The following CACNA1E variants were observed in gnomAD, a reference collection of about 807,000 sequenced individuals.
CACNA1E encodes calcium voltage-gated channel subunit alpha1 E, also known as voltage-dependent R-type calcium channel subunit alpha-1E.
A neutral mutation model predicts 259.2 loss-of-function variants in CACNA1E; 40 were observed. The ratio of observed to expected loss-of-function variants is 0.15; its 90% confidence interval spans 0.12 to 0.20. The LOEUF (loss-of-function observed/expected upper bound fraction) is 0.20. Ranked by LOEUF, CACNA1E falls within the 10% of genes least tolerant of loss-of-function variation. CACNA1E has a pLI of 1.00. For missense variants in CACNA1E, 1,874 were observed against 3,040.1 expected, an observed-to-expected ratio of 0.62 and a Z score of 9.02; for synonymous variants, 1,104 against 1,138.5, an observed-to-expected ratio of 0.97 and a Z score of 0.61.
At chr1:181,626,524 T>G (rs1457422345) in intron 6 of CACNA1E, among the ~76,000 whole-genome samples, 1 of 152,218 alleles carries the variant, frequency 6.6e-6, no homozygotes, top group Non-Finnish European at 1.5e-5. Context: ...GGCCATGGAC[T>G]CTCAGATGAC....
chr1:181,708,162 AG>A (rs1332057201), intron 7 of CACNA1E, among the ~76,000 whole-genome samples: 2 of 152,074 alleles, frequency 1.3e-5, no homozygotes, highest in Non-Finnish European at 2.9e-5. Flanking sequence ...GTAGGCAGGC[AG>A]GGGGTGGATA....
At chr1:181,336,348 C>T (rs1482764109) in intron 1 of CACNA1E, among the ~76,000 whole-genome samples, 1 of 152,178 alleles carries the variant, frequency 6.6e-6, no homozygotes, top group East Asian at 1.9e-4. Flanking sequence ...CTACTCTAAG[C>T]CCTATACGTG....
intron 40 of CACNA1E, among the ~76,000 whole-genome samples, chr1:181,784,235 C>A (rs1250278940): frequency 6.6e-6 from 1 of 152,134 alleles, no homozygotes; most frequent in East Asian, 1.9e-4. Context: ...GGACCTTTAG[C>A]CTTTCTGCTT....
intron 2 of CACNA1E, among the ~76,000 whole-genome samples, chr1:181,442,700 G>T (rs974160286): frequency 5.3e-5 from 8 of 152,136 alleles, no homozygotes; most frequent in African/African-American, 1.9e-4. Context: ...ACCATGTCCT[G>T]GTTCTTTGTG....
intron 6 of CACNA1E, among the ~76,000 whole-genome samples, chr1:181,606,441 T>C (rs1449764291): frequency 6.6e-6 from 1 of 152,166 alleles, no homozygotes; most frequent in African/African-American, 2.4e-5. Context: ...CTCCAAAATA[T>C]ATCCCCGGCT....
intron 2 of CACNA1E, among the ~76,000 whole-genome samples, chr1:181,422,675 GA>G (rs1328835542): frequency 1.3e-5 from 2 of 152,126 alleles, no homozygotes; most frequent in Non-Finnish European, 2.9e-5. Flanking sequence ...CAACCTTTTT[GA>G]ATTGTTATGA....
At chr1:181,550,833 C>T (rs1648056266) in intron 3 of CACNA1E, among the ~76,000 whole-genome samples, 2 of 151,900 alleles carry the variant, frequency 1.3e-5, no homozygotes, top group African/African-American at 4.8e-5. Flanking sequence ...CATCTTTGGG[C>T]AGTTTGTACT....
At chr1:181,668,076 C>T (rs571415819) in intron 7 of CACNA1E, among the ~76,000 whole-genome samples, 28 of 152,226 alleles carry the variant, frequency 1.8e-4, no homozygotes, top group African/African-American at 6.7e-4. Flanking sequence ...AATTTTATCA[C>T]GTGTAAATTT....
chr1:181,636,210 T>C (rs1657197339), intron 6 of CACNA1E, among the ~76,000 whole-genome samples: 1 of 152,206 alleles, frequency 6.6e-6, no homozygotes, highest in Non-Finnish European at 1.5e-5. Flanking sequence ...ATACAAGGCA[T>C]ATTGGTTAAG....
chr1:181,458,626 A>G (rs952424750), intron 2 of CACNA1E, among the ~76,000 whole-genome samples: 2 of 152,198 alleles, frequency 1.3e-5, no homozygotes, highest in Admixed American at 1.3e-4. Context: ...CTTGACACCT[A>G]TGAGCTAAGC....
chr1:181,741,517 G>C (rs993798191), intron 25 of CACNA1E, among the ~76,000 whole-genome samples: 1 of 152,186 alleles, frequency 6.6e-6, no homozygotes, highest in Non-Finnish European at 1.5e-5. Context: ...ACAGATAGAT[G>C]TGTGCAGGCT....
At chr1:181,697,426 G>T (rs1033349612) in intron 7 of CACNA1E, among the ~76,000 whole-genome samples, 1 of 152,222 alleles carries the variant, frequency 6.6e-6, no homozygotes, top group Non-Finnish European at 1.5e-5. Context: ...AATCAAAGCA[G>T]ATAGTGCTTA....
chr1:181,498,110 T>C (rs143393487), intron 1 of CACNA1E, among the ~76,000 whole-genome samples: 2 of 152,304 alleles, frequency 1.3e-5, no homozygotes, highest in Admixed American at 1.3e-4. Context: ...CTACCCTCAG[T>C]CCTTTCTGTT....
chr1:181,356,750 G>C lies in CACNA1E; in HGVS notation c.-15+38627G>C, dbSNP rs1009189886. 3.9e-5 allele frequency among the ~76,000 whole-genome samples: 6 copies of C among 152,286 alleles called. No individual in the cohort carries two copies. The East Asian group carries it at 5.8e-4, about 15-fold the overall frequency. On this transcript the variant is annotated intron_variant, in intron 1 of 11. Coordinates refer to the CACNA1E transcript ENST00000524607. Reference sequence around the variant, plus strand: ...ACTGCTGTGCATCTCTTCCTACCAGGGCGGGCTCCTGTTGTATCCTGGGAG... The same window carrying C: ...ACTGCTGTGCATCTCTTCCTACCAGCGCGGGCTCCTGTTGTATCCTGGGAG...
chr1:181,498,252 T>C (rs1219410778), intron 1 of CACNA1E, among the ~76,000 whole-genome samples: 1 of 152,188 alleles, frequency 6.6e-6, no homozygotes, highest in Non-Finnish European at 1.5e-5. Flanking sequence ...AGAAAGACTC[T>C]TATATCCTGA....
upstream of CACNA1E, among the ~76,000 whole-genome samples, chr1:181,480,321 T>C (rs1243514234): frequency 2.6e-5 from 4 of 152,230 alleles, no homozygotes; most frequent in African/African-American, 7.2e-5. Context: ...TATGCCATTA[T>C]GTTTGCCCCT....
chr1:181,477,816 G>A (rs1662965291), intron 2 of CACNA1E, among the ~76,000 whole-genome samples: 1 of 152,160 alleles, frequency 6.6e-6, no homozygotes, highest in Non-Finnish European at 1.5e-5. Flanking sequence ...CATACTTATT[G>A]TGTGCAAGGT....
At position 181,756,806 on chromosome 1, in the gene CACNA1E, ATT is replaced by A; in HGVS notation, c.4128-118_4128-117del. On this transcript the variant is annotated intron_variant, in intron 29 of 47. Coordinates refer to ENST00000367573, the MANE Select transcript of CACNA1E (RefSeq NM_001205293.3). ...CAACTTGGGTTTGGACTCAAAAAAA[ATT>A]AATGGAGGATCTGCAAAGTCAAAGA... The A allele has an allele frequency of 4.2e-6, 3 of 717,130 alleles. No homozygotes were observed. In the South Asian group the frequency reaches 5.2e-5, roughly 12 times the overall value. 44.4% of individuals were successfully genotyped at this position (717,130 alleles called of 1,614,324 possible).
At chr1:181,772,511 T>G (rs968602026) in intron 37 of CACNA1E, among the ~76,000 whole-genome samples, 1 of 152,072 alleles carries the variant, frequency 6.6e-6, no homozygotes, top group Non-Finnish European at 1.5e-5. Context: ...TAGGGAAAGA[T>G]TGTTGTGAAA....
Sources: gnomAD v4.1 joint callset for allele counts (sites outside exome capture counted in the v4.1 genomes callset) on GRCh38, gnomAD v4.1.1 for gene constraint, MANE v1.5 for transcripts, NCBI Gene and HGNC (gene_info 2026-07-23, HGNC 2026-07-21) for gene names.